GPC5: variants seen among roughly 807,000 people sequenced by gnomAD.
GPC5 encodes glypican-5.
Under a neutral mutation model 53.9 loss-of-function variants are expected in GPC5, and 47 were observed. The observed-to-expected ratio is 0.87, with a 90% confidence interval of 0.69 to 1.11. The LOEUF (loss-of-function observed/expected upper bound fraction) is 1.11, where lower values mean the gene tolerates loss of function less well. Among genes scored for constraint, GPC5 ranks in the 50% most tolerant of loss-of-function variants. The probability of loss-of-function intolerance (pLI) is 0.00; values close to 1 mark genes in which losing one functional copy is unlikely to be tolerated. For missense variants in GPC5, 748 were observed against 713.1 expected (o/e 1.05, Z -0.56); for synonymous variants, 286 against 263.3 (o/e 1.09, Z -0.84).
intron 5 of GPC5, among the ~76,000 whole-genome samples, chr13:91,796,556 A>C (rs562858192): frequency 6.5e-4 from 99 of 152,240 alleles, no homozygotes; most frequent in African/African-American, 2.3e-3. Flanking sequence ...TGATTTGACT[A>C]TTTCTTTACC....
At chr13:92,065,280 A>G (rs2041159202) in intron 6 of GPC5, among the ~76,000 whole-genome samples, 2 of 152,218 alleles carry the variant, frequency 1.3e-5, no homozygotes, top group African/African-American at 2.4e-5. Context: ...ATTTACCCCA[A>G]TTTCTGCAGA....
At chr13:92,613,374 AATATATTATATTATATATAAAT>A (rs1566320227) in intron 7 of GPC5, among the ~76,000 whole-genome samples, 8 of 79,222 alleles carry the variant, frequency 1.0e-4, no homozygotes, top group African/African-American at 3.4e-4. Flanking sequence ...TTTATATATA[AATATATTATATTATATATAAAT>A]ATATATTATA....
At chr13:92,490,583 CAT>C (rs1421848273) in intron 7 of GPC5, among the ~76,000 whole-genome samples, 2 of 152,042 alleles carry the variant, frequency 1.3e-5, no homozygotes, top group African/African-American at 4.8e-5. Flanking sequence ...CTAAAATAAA[CAT>C]ATAAATGGTG....
At chr13:92,821,915 C>T (rs189882633) in intron 7 of GPC5, among the ~76,000 whole-genome samples, 1 of 151,844 alleles carries the variant, frequency 6.6e-6, no homozygotes, top group East Asian at 1.9e-4. Context: ...CAAATAATAC[C>T]CATAAATACA....
intron 7 of GPC5, among the ~76,000 whole-genome samples, chr13:92,502,958 G>A (rs2138936448): frequency 6.6e-6 from 1 of 151,994 alleles, no homozygotes; most frequent in South Asian, 2.1e-4. Flanking sequence ...GCAAAGTTCA[G>A]CAAATATAAG....
chr13:92,109,893 A>C (rs2041543170), intron 6 of GPC5, among the ~76,000 whole-genome samples: 1 of 152,172 alleles, frequency 6.6e-6, no homozygotes. Context: ...GTATATTATG[A>C]ATATACATTG....
intron 7 of GPC5, among the ~76,000 whole-genome samples, chr13:92,277,630 T>G (rs2139163884): frequency 6.6e-6 from 1 of 152,160 alleles, no homozygotes; most frequent in South Asian, 2.1e-4. Flanking sequence ...TAAGCATTTT[T>G]TTACTTTGTT....
At chr13:92,139,495 G>T (rs376201062) in intron 6 of GPC5, among the ~76,000 whole-genome samples, 1 of 151,806 alleles carries the variant, frequency 6.6e-6, no homozygotes, top group Admixed American at 6.6e-5. Flanking sequence ...GTGAAACCCC[G>T]TGTCTACTAA....
intron 7 of GPC5, among the ~76,000 whole-genome samples, chr13:92,234,603 A>G (rs1643146977): frequency 6.6e-6 from 1 of 151,904 alleles, no homozygotes; most frequent in South Asian, 2.1e-4. Context: ...TGGGGATGTC[A>G]CTAGGAGATA....
At chr13:91,761,177 C>A (rs1253357943) in intron 5 of GPC5, among the ~76,000 whole-genome samples, 1 of 152,114 alleles carries the variant, frequency 6.6e-6, no homozygotes, top group Non-Finnish European at 1.5e-5. Context: ...GCTTCCTTTT[C>A]CCTTTTGATT....
intron 2 of GPC5, among the ~76,000 whole-genome samples, chr13:91,544,229 G>T (rs1254499657): frequency 3.3e-5 from 5 of 151,594 alleles, no homozygotes; most frequent in Non-Finnish European, 7.4e-5. Context: ...TAGGAATTTT[G>T]TTTTTTGTTA....
chr13:92,341,671 G>A (rs900916090), intron 7 of GPC5, among the ~76,000 whole-genome samples: 2 of 152,202 alleles, frequency 1.3e-5, no homozygotes, highest in East Asian at 3.9e-4. Context: ...GCTCATGCTT[G>A]TAATCCCAGT....
intron 7 of GPC5, among the ~76,000 whole-genome samples, chr13:92,597,030 G>A (rs906807754): frequency 1.3e-5 from 2 of 152,084 alleles, no homozygotes; most frequent in Non-Finnish European, 2.9e-5. Flanking sequence ...CCTCTTCACA[G>A]TGATGTAAAA....
chr13:91,440,546 TG>T (rs1880345793), intron 1 of GPC5, among the ~76,000 whole-genome samples: 1 of 152,244 alleles, frequency 6.6e-6, no homozygotes, highest in East Asian at 1.9e-4. Flanking sequence ...ATAGCTACTT[TG>T]AAGCCTTTCT....
intron 7 of GPC5, among the ~76,000 whole-genome samples, chr13:92,596,482 AT>A (rs937167011): frequency 1.3e-5 from 2 of 151,908 alleles, no homozygotes; most frequent in African/African-American, 2.4e-5. Flanking sequence ...AATAATCATT[AT>A]TATTATTTTG....
intron 1 of GPC5, among the ~76,000 whole-genome samples, chr13:91,403,869 A>C (rs1055078959): frequency 6.6e-6 from 1 of 151,762 alleles, no homozygotes; most frequent in African/African-American, 2.4e-5. Context: ...ATATTCCCTC[A>C]TGGGGTTAAT....
intron 6 of GPC5, among the ~76,000 whole-genome samples, chr13:91,943,528 A>G (rs1267944072): frequency 6.6e-6 from 1 of 152,162 alleles, no homozygotes; most frequent in Non-Finnish European, 1.5e-5. Flanking sequence ...TTTTTACTGA[A>G]TGATGGATAA....
intron 7 of GPC5, among the ~76,000 whole-genome samples, chr13:92,786,730 A>G (rs1371907316): frequency 6.6e-6 from 1 of 152,202 alleles, no homozygotes. Context: ...GTAATACTCT[A>G]TAGATCAGAA....
intron 7 of GPC5, among the ~76,000 whole-genome samples, chr13:92,668,733 G>A (rs141241366): frequency 2.0e-5 from 3 of 151,694 alleles, no homozygotes; most frequent in Non-Finnish European, 2.9e-5. Flanking sequence ...CTTCTGTAAC[G>A]GTTTAACCTT....
Sources: gnomAD v4.1 joint callset for allele counts (sites outside exome capture counted in the v4.1 genomes callset) on GRCh38, gnomAD v4.1.1 for gene constraint, MANE v1.5 for transcripts, NCBI Gene and HGNC (gene_info 2026-07-23, HGNC 2026-07-21) for gene names.